Variants in PXYLP1 observed in about 807,000 individuals in gnomAD.
PXYLP1 encodes acid phosphatase-like 2.
PXYLP1 carries 17 observed loss-of-function variants against 37.9 expected under a neutral mutation model. That is an observed-to-expected ratio of 0.45 (90% CI 0.31 to 0.67). The LOEUF (loss-of-function observed/expected upper bound fraction) is 0.67. Among genes scored for constraint, PXYLP1 ranks in the 30% least tolerant of loss-of-function variants. The probability of loss-of-function intolerance (pLI) is 0.07; values close to 1 mark genes in which losing one functional copy is unlikely to be tolerated. For synonymous variants in PXYLP1, 221 were observed against 232.2 expected, an observed-to-expected ratio of 0.95 and a Z score of 0.44; for missense variants, 511 against 612.0, an observed-to-expected ratio of 0.84 and a Z score of 1.74.
chr3:141,275,770 AG>A (rs1559892104), intron 2 of PXYLP1, among the ~76,000 whole-genome samples: 1 of 145,794 alleles, frequency 6.9e-6, no homozygotes, highest in East Asian at 2.0e-4. Flanking sequence ...TGGTAACACA[AG>A]TAATGAAGGG....
rs911634347 is a variant in PXYLP1, at chr3:141,278,490, C to T, written c.228C>T (p.Arg76=). 19 of 1,614,194 alleles carry T rather than the reference C, an allele frequency of 1.2e-5. No individual in the cohort carries two copies. Among genetic ancestry groups the T allele is most frequent in the Non-Finnish European group, 1.5e-5 (18 of 1,180,012 alleles). The part of the protein sequence containing the change: ...LYCNIPSVAE[R]SMEGHAPHHF... Reference sequence around the variant, plus strand: ...GCAACATCCCCAGCGTGGCCGAGCGCAGCATGGAAGGTAGGCCTGACTGTG... The same window carrying T: ...GCAACATCCCCAGCGTGGCCGAGCGTAGCATGGAAGGTAGGCCTGACTGTG... Residue 76 remains arginine, a synonymous_variant, in exon 3 of 6, where the codon CGC becomes CGT. Transcript: ENST00000286353.
chr3:141,232,835 G>T (rs570941422), intron 1 of PXYLP1, among the ~76,000 whole-genome samples: 28 of 152,362 alleles, frequency 1.8e-4, no homozygotes, highest in African/African-American at 6.3e-4. Flanking sequence ...TTGCGAGGGG[G>T]CTCTGTAGTG....
At chr3:141,264,134 G>C (rs1941455950) in intron 2 of PXYLP1, among the ~76,000 whole-genome samples, 1 of 151,412 alleles carries the variant, frequency 6.6e-6, no homozygotes, top group Non-Finnish European at 1.5e-5. Context: ...CAGAGTCGAA[G>C]GAAATGCTGA....
chr3:141,289,663 C>CCT (rs891607551), intron 5 of PXYLP1, among the ~76,000 whole-genome samples: 8 of 152,212 alleles, frequency 5.3e-5, no homozygotes, highest in African/African-American at 1.9e-4. Context: ...CTTGTCCCTG[C>CCT]CTCTCTCTCT....
intron 2 of PXYLP1, among the ~76,000 whole-genome samples, chr3:141,275,308 G>A (rs1420676909): frequency 2.0e-5 from 3 of 152,176 alleles, no homozygotes; most frequent in Non-Finnish European, 4.4e-5. Context: ...TTCCCAAATG[G>A]CAGCCACAAC....
chr3:141,242,313 A>G (rs7629005), intron 1 of PXYLP1, among the ~76,000 whole-genome samples: 35,959 of 151,990 alleles, frequency 0.24, 6,264 homozygotes, highest in African/African-American at 0.49. Context: ...AGTCCTCTCC[A>G]TGGGGCCCGC....
At chr3:141,276,507 T>G (rs941672818) in intron 2 of PXYLP1, among the ~76,000 whole-genome samples, 1 of 152,240 alleles carries the variant, frequency 6.6e-6, no homozygotes, top group Non-Finnish European at 1.5e-5. Context: ...TCTTTTTAAC[T>G]GGGATAGAAC....
chr3:141,276,107 A>T (rs1486318592), intron 2 of PXYLP1, among the ~76,000 whole-genome samples: 1 of 152,246 alleles, frequency 6.6e-6, no homozygotes, highest in Non-Finnish European at 1.5e-5. Context: ...AGGCTGACCA[A>T]ATAGCCTAGG....
chr3:141,271,855 G>GAGC (rs1270988936), intron 2 of PXYLP1, among the ~76,000 whole-genome samples: 2 of 152,188 alleles, frequency 1.3e-5, no homozygotes, highest in East Asian at 3.9e-4. Context: ...GGTCCTGGAG[G>GAGC]AGCAGCATGA....
intron 5 of PXYLP1, among the ~76,000 whole-genome samples, chr3:141,289,248 A>G (rs2148841251): frequency 6.6e-6 from 1 of 150,778 alleles, no homozygotes; most frequent in South Asian, 2.1e-4. Flanking sequence ...CATTAATATT[A>G]TACAAAAATG....
chr3:141,283,914 GAAGAT>G (rs1388309029), intron 4 of PXYLP1, among the ~76,000 whole-genome samples: 2 of 151,948 alleles, frequency 1.3e-5, no homozygotes, highest in African/African-American at 4.8e-5. Context: ...ATATAAAAGT[GAAGAT>G]AAGGACTCCA....
Position 141,278,472 on chromosome 3 carries a change from C to G in PXYLP1, c.210C>G (p.Ile70Met), listed in dbSNP as rs1389659614. 15 of 1,614,090 alleles carry G rather than the reference C, an allele frequency of 9.3e-6. No individual in the cohort carries two copies. The highest frequency in any genetic ancestry group is 1.6e-4 in the Middle Eastern group (1 of 6,084). ...PVYEALLYCN[I>M]PSVAERSMEG... is the part of the protein sequence containing the mutation. ...ATGAAGCTCTTTTGTACTGCAACAT[C>G]CCCAGCGTGGCCGAGCGCAGCATGG... Residue 70 changes from isoleucine to methionine, a missense_variant, in exon 3 of 6, where the codon ATC becomes ATG. Ile to Met is a conservative substitution (Grantham distance 10, BLOSUM62 1). Coordinates refer to ENST00000286353, the MANE Select transcript of PXYLP1 (RefSeq NM_001037172.3).
At chr3:141,275,958 A>G (rs922398791) in intron 2 of PXYLP1, among the ~76,000 whole-genome samples, 1 of 152,254 alleles carries the variant, frequency 6.6e-6, no homozygotes, top group African/African-American at 2.4e-5. Context: ...CAGTGGTGCC[A>G]TATTATAATA....
At chr3:141,261,841 T>C (rs1320197201) in intron 2 of PXYLP1, among the ~76,000 whole-genome samples, 2 of 152,370 alleles carry the variant, frequency 1.3e-5, no homozygotes, top group Middle Eastern at 3.4e-3. Context: ...TTATTTTCTT[T>C]CCTTCTGTTG....
At chr3:141,236,871 A>T (rs964339643) in intron 1 of PXYLP1, among the ~76,000 whole-genome samples, 1 of 152,248 alleles carries the variant, frequency 6.6e-6, no homozygotes, top group Non-Finnish European at 1.5e-5. Context: ...CTTAAAACAT[A>T]GATATAAATA....
In PXYLP1 at chr3:141,260,141, G is replaced by A. The variant is rs1437278101; in HGVS notation, c.-35G>A. On this transcript the variant is annotated 5_prime_UTR_variant, in exon 2 of 6. Coordinates refer to ENST00000286353, the MANE Select transcript of PXYLP1 (RefSeq NM_001037172.3). ...TTCACAGGACATGTTCCCGATTTGA[G>A]GTGAAACCATGAAGAGAAAATAGAA... 1.2e-6 allele frequency: 2 copies of A among 1,612,548 alleles called. No homozygotes were observed. The highest frequency in any genetic ancestry group is 1.7e-5 in the Admixed American group (1 of 60,024).
chr3:141,282,400 T>C (rs1941974631), intron 4 of PXYLP1, among the ~76,000 whole-genome samples: 1 of 151,922 alleles, frequency 6.6e-6, no homozygotes, highest in Admixed American at 6.6e-5. Flanking sequence ...GACAAGGTGC[T>C]CCTCCTTCCA....
chr3:141,277,980 T>C (rs185825986), intron 2 of PXYLP1, among the ~76,000 whole-genome samples: 1 of 152,338 alleles, frequency 6.6e-6, no homozygotes, highest in Admixed American at 6.5e-5. Flanking sequence ...TGAGGAATGA[T>C]GGTTTTCCTC....
At chr3:141,271,456 G>A (rs1462536288) in intron 2 of PXYLP1, among the ~76,000 whole-genome samples, 1 of 152,204 alleles carries the variant, frequency 6.6e-6, no homozygotes, top group African/African-American at 2.4e-5. Flanking sequence ...AGCTAGGAAG[G>A]TAAACAGATA....
Sources: allele counts gnomAD v4.1 joint callset (sites outside exome capture counted in the v4.1 genomes callset), GRCh38; gene constraint gnomAD v4.1.1; transcripts MANE v1.5; gene names NCBI Gene and HGNC (gene_info 2026-07-23, HGNC 2026-07-21).